The following GLIS3 variants were observed in gnomAD, a reference collection of about 807,000 sequenced individuals.
GLIS3 encodes GLIS family zinc finger 3.
Under a neutral mutation model 78.6 loss-of-function variants are expected in GLIS3, and 53 were observed. That is an observed-to-expected ratio of 0.67 (90% confidence interval 0.54 to 0.85). GLIS3 has a LOEUF of 0.85. Ranked by LOEUF, GLIS3 falls within the 40% of genes least tolerant of loss-of-function variation. The probability of loss-of-function intolerance (pLI) is 0.00; values close to 1 mark genes in which losing one functional copy is unlikely to be tolerated. For synonymous variants in GLIS3, 684 were observed against 509.9 expected (o/e 1.34, Z -4.60); for missense variants, 1,703 against 1,231.1 (o/e 1.38, Z -5.74).
At chr9:3,970,638 G>T (rs891028523) in intron 4 of GLIS3, among the ~76,000 whole-genome samples, 2 of 152,158 alleles carry the variant, frequency 1.3e-5, no homozygotes, top group Non-Finnish European at 2.9e-5. Flanking sequence ...TAATGTAGAG[G>T]TTGAGAAGCC....
intron 4 of GLIS3, among the ~76,000 whole-genome samples, chr9:4,031,007 C>A (rs1473213765): frequency 6.6e-6 from 1 of 152,090 alleles, no homozygotes; most frequent in African/African-American, 2.4e-5. Context: ...CAAGTGTTGG[C>A]CAGGAAGTGG....
intron 4 of GLIS3, among the ~76,000 whole-genome samples, chr9:4,039,457 T>C (rs749041694): frequency 6.6e-6 from 1 of 152,158 alleles, no homozygotes; most frequent in Non-Finnish European, 1.5e-5. Context: ...CCTGTGCTTC[T>C]TGGAAACAAG....
the GLIS3 span, among the ~76,000 whole-genome samples, chr9:4,356,573 G>A: frequency 2.6e-5 from 4 of 152,288 alleles, no homozygotes; most frequent in Middle Eastern, 3.4e-3. Flanking sequence ...TATTTCTCAC[G>A]GTAGGGTCAA....
intron 2 of GLIS3, among the ~76,000 whole-genome samples, chr9:4,330,518 C>A (rs576145842): frequency 6.6e-6 from 1 of 152,144 alleles, no homozygotes; most frequent in South Asian, 2.1e-4. Context: ...ACAACCTCCA[C>A]TTAGGTGGAG....
At chr9:4,303,927 T>A (rs1412085315), upstream of GLIS3, among the ~76,000 whole-genome samples, 1 of 152,266 alleles carries the variant, frequency 6.6e-6, no homozygotes, top group African/African-American at 2.4e-5. Context: ...CTATATGTGA[T>A]GTTGTAAAAT....
At chr9:4,290,024 T>C (rs969764917) in intron 1 of GLIS3, among the ~76,000 whole-genome samples, 1 of 152,138 alleles carries the variant, frequency 6.6e-6, no homozygotes, top group Non-Finnish European at 1.5e-5. Context: ...CTGCTCATCA[T>C]GGATTAAAAG....
At chr9:4,058,718 A>C (rs753744458) in intron 4 of GLIS3, among the ~76,000 whole-genome samples, 63 of 152,240 alleles carry the variant, frequency 4.1e-4, no homozygotes, top group Non-Finnish European at 6.5e-4. Context: ...CGGTAGCTCA[A>C]GCCTGTAATC....
intron 2 of GLIS3, among the ~76,000 whole-genome samples, chr9:4,140,263 G>A (rs950192249): frequency 6.6e-6 from 1 of 152,138 alleles, no homozygotes; most frequent in Non-Finnish European, 1.5e-5. Context: ...GGTCAAGGCT[G>A]CAGTGAGCCA....
intron 3 of GLIS3, among the ~76,000 whole-genome samples, chr9:4,119,141 C>A (rs1460475692): frequency 1.3e-5 from 2 of 152,128 alleles, no homozygotes; most frequent in Non-Finnish European, 2.9e-5. Context: ...TATAAATAAT[C>A]TTAATACTTG....
the GLIS3 span, among the ~76,000 whole-genome samples, chr9:4,487,008 C>T: frequency 6.6e-6 from 1 of 152,064 alleles, no homozygotes; most frequent in East Asian, 1.9e-4. Flanking sequence ...CTATGGTAGA[C>T]ACTTTGGAAA....
intron 4 of GLIS3, among the ~76,000 whole-genome samples, chr9:4,057,745 C>G (rs567358087): frequency 6.6e-6 from 1 of 152,034 alleles, no homozygotes; most frequent in African/African-American, 2.4e-5. Flanking sequence ...TTCAATGGTA[C>G]CAAAAGGAAC....
At position 4,178,105 on chromosome 9, in the gene GLIS3, T is replaced by C. The variant is rs1006522202; in HGVS notation, c.389-52164A>G. Among the ~76,000 whole-genome samples, 4 of 152,332 alleles carry C rather than the reference T, an allele frequency of 2.6e-5. No individual in the cohort carries two copies. The South Asian group carries it at 8.3e-4, about 32-fold the overall frequency. ...TTCAGAACATCTTTTCATAGGACTG[T>C]TTCTTATTCTTAAAGATATGTTCCT... On this transcript the variant is annotated intron_variant, in intron 2 of 10. Transcript: ENST00000381971.
At chr9:4,272,383 T>C (rs1826594460) in intron 2 of GLIS3, among the ~76,000 whole-genome samples, 1 of 152,128 alleles carries the variant, frequency 6.6e-6, no homozygotes, top group Non-Finnish European at 1.5e-5. Flanking sequence ...CCTAACCTTT[T>C]GAGGCAATCT....
chr9:3,936,322 C>T (rs1272153223), intron 5 of GLIS3, among the ~76,000 whole-genome samples: 1 of 152,078 alleles, frequency 6.6e-6, no homozygotes, highest in Non-Finnish European at 1.5e-5. Flanking sequence ...AAATAAAAGA[C>T]AAGAATCATA....
chr9:4,114,737 G>A (rs1831499889), intron 4 of GLIS3, among the ~76,000 whole-genome samples: 1 of 152,148 alleles, frequency 6.6e-6, no homozygotes, highest in South Asian at 2.1e-4. Flanking sequence ...CTTTGCCACT[G>A]GGTGGGAATG....
intron 7 of GLIS3, among the ~76,000 whole-genome samples, chr9:3,881,091 G>A (rs1243620696): frequency 6.6e-6 from 1 of 152,126 alleles, no homozygotes; most frequent in Non-Finnish European, 1.5e-5. Context: ...AGCTAGCTCA[G>A]GGAACCACAA....
rs528139303 is a variant in GLIS3, at chr9:3,844,589, G to A, written c.2473+11420C>T. The stretch of plus-strand genomic sequence containing the variant: ...TATAGGCATTTTTAAGTTGACTGAC[G>A]AAGTCATGATGGTCAATGATATAAG... On this transcript the variant is annotated intron_variant, in intron 9 of 10. Coordinates refer to ENST00000381971, the MANE Select transcript of GLIS3 (RefSeq NM_001042413.2). 2.6e-5 allele frequency among the ~76,000 whole-genome samples: 4 copies of A among 152,252 alleles called. No individual in the cohort carries two copies. In the East Asian group the frequency reaches 7.7e-4, roughly 29 times the overall value.
chr9:4,246,995 G>A (rs1049875004), intron 2 of GLIS3, among the ~76,000 whole-genome samples: 2 of 152,180 alleles, frequency 1.3e-5, no homozygotes, highest in African/African-American at 4.8e-5. Flanking sequence ...GTGAAAAGTG[G>A]TTGAATTGTC....
intron 2 of GLIS3, among the ~76,000 whole-genome samples, chr9:4,210,668 G>A (rs190345992): frequency 1.1e-3 from 160 of 152,316 alleles, no homozygotes; most frequent in Non-Finnish European, 1.8e-3. Context: ...AAATGACAGA[G>A]CTTCAAAATA....
Sources: allele counts gnomAD v4.1 joint callset (sites outside exome capture counted in the v4.1 genomes callset), GRCh38; gene constraint gnomAD v4.1.1; transcripts MANE v1.5; gene names NCBI Gene and HGNC (gene_info 2026-07-23, HGNC 2026-07-21).